RNF216: variants seen among roughly 807,000 people sequenced by gnomAD.
The protein encoded by RNF216 is E3 ubiquitin-protein ligase RNF216.
Under a neutral mutation model 110.8 loss-of-function variants are expected in RNF216, and 72 were observed. The observed-to-expected ratio is 0.65, with a 90% CI of 0.54 to 0.79. RNF216 has a LOEUF of 0.79. Among genes scored for constraint, RNF216 ranks in the 30% least tolerant of loss-of-function variants. The pLI, the probability that RNF216 is intolerant of heterozygous loss-of-function variation, is 0.00. For missense variants in RNF216, 1,342 were observed against 1,141.2 expected, an observed-to-expected ratio of 1.18 and a Z score of -2.54; for synonymous variants, 495 against 407.5, an observed-to-expected ratio of 1.21 and a Z score of -2.59.
chr7:5,644,672 T>C (rs1438466930), intron 14 of RNF216, among the ~76,000 whole-genome samples: 1 of 151,948 alleles, frequency 6.6e-6, no homozygotes, highest in Non-Finnish European at 1.5e-5. Context: ...GCCCAGTTAA[T>C]TTTTAAATTT....
chr7:5,646,822 C>T (rs1011532314), intron 14 of RNF216, among the ~76,000 whole-genome samples: 1 of 152,030 alleles, frequency 6.6e-6, no homozygotes, highest in Non-Finnish European at 1.5e-5. Context: ...ATCCTCCCAT[C>T]CTGATCTTTG....
chr7:5,741,033 A>T lies in RNF216; in HGVS notation c.984T>A (p.Ile328=), dbSNP rs555745151. Residue 328 remains isoleucine, a synonymous_variant, in exon 4 of 17, where the codon ATT becomes ATA. Transcript: ENST00000389902. ...QESQEPNLEN[I]WGQEAAEVDQ... The stretch of plus-strand genomic sequence containing the variant: ...CTACCTCTGCAGCTTCTTGCCCCCA[A>T]ATGTTTTCCAAATTGGGCTCTTGAG... The T allele has an allele frequency of 6.8e-6, 11 of 1,613,840 alleles. No homozygotes were observed. The South Asian group carries it at 1.2e-4, about 18-fold the overall frequency.
At chr7:5,728,616 G>A (rs1793905274) in intron 7 of RNF216, among the ~76,000 whole-genome samples, 1 of 151,990 alleles carries the variant, frequency 6.6e-6, no homozygotes, top group African/African-American at 2.4e-5. Flanking sequence ...AAGGTGGAAG[G>A]GGCTTGGCCT....
chr7:5,627,068 C>A (rs1394297426), intron 15 of RNF216, among the ~76,000 whole-genome samples: 1 of 152,212 alleles, frequency 6.6e-6, no homozygotes, highest in Non-Finnish European at 1.5e-5. Flanking sequence ...GTTACACCAT[C>A]AGTCCCCAAG....
At chr7:5,771,170 C>T (rs1321788846) in intron 1 of RNF216, among the ~76,000 whole-genome samples, 1 of 152,100 alleles carries the variant, frequency 6.6e-6, no homozygotes, top group Non-Finnish European at 1.5e-5. Flanking sequence ...GAAAACATGA[C>T]CTTTCTACTA....
In RNF216 at chr7:5,622,820, C is replaced by G; in HGVS notation, c.*40G>C. On this transcript the variant is annotated 3_prime_UTR_variant, in exon 17 of 17. Transcript: ENST00000389902. Reference sequence around the variant, plus strand: ...AGGGTTCTCCATCCACACTCCTACCCCAAACGGGCTTTGTGCTGCTCAATG... The same window carrying G: ...AGGGTTCTCCATCCACACTCCTACCGCAAACGGGCTTTGTGCTGCTCAATG... 1 of 1,548,362 alleles carries G rather than the reference C, an allele frequency of 6.5e-7. No homozygotes were observed. Among genetic ancestry groups the G allele is most frequent in the Non-Finnish European group, 8.8e-7 (1 of 1,142,262 alleles).
intron 2 of RNF216, among the ~76,000 whole-genome samples, chr7:5,757,640 A>T (rs1195050965): frequency 6.6e-6 from 1 of 152,194 alleles, no homozygotes; most frequent in Non-Finnish European, 1.5e-5. Context: ...TTCCAGTACA[A>T]AGAATATATA....
At chr7:5,717,599 G>C (rs1034249004) in intron 9 of RNF216, among the ~76,000 whole-genome samples, 1 of 152,074 alleles carries the variant, frequency 6.6e-6, no homozygotes, top group African/African-American at 2.4e-5. Context: ...CAAAAACCTG[G>C]AAACAACCCT....
chr7:5,683,868 G>GA (rs1367914123), intron 13 of RNF216, among the ~76,000 whole-genome samples: 6 of 152,076 alleles, frequency 3.9e-5, no homozygotes, highest in African/African-American at 1.4e-4. Flanking sequence ...CATCATTACA[G>GA]AAAAAAGATA....
At chr7:5,710,534 T>A (rs1194013439) in intron 13 of RNF216, among the ~76,000 whole-genome samples, 1 of 152,206 alleles carries the variant, frequency 6.6e-6, no homozygotes, top group Non-Finnish European at 1.5e-5. Context: ...CCCAAGAGGC[T>A]GTGCAGTGCT....
At chr7:5,625,612 C>A (rs980807980) in intron 15 of RNF216, among the ~76,000 whole-genome samples, 4 of 152,224 alleles carry the variant, frequency 2.6e-5, no homozygotes, top group Non-Finnish European at 5.9e-5. Flanking sequence ...TTTCCCCACA[C>A]AATTGTTTGT....
At chr7:5,753,062 G>A (rs749061447) in intron 2 of RNF216, 83 bp from the exon 3 acceptor site, 2 of 1,432,930 alleles carry the variant, frequency 1.4e-6, no homozygotes. Context: ...CAGGGGTACA[G>A]CCTAAAGCCA....
At chr7:5,741,951 A>G in intron 3 of RNF216, 136 bp from the exon 4 acceptor site, 1 of 847,746 alleles carries the variant, frequency 1.2e-6, no homozygotes. Context: ...TATTCTTTAC[A>G]TTTATCTTAA....
intron 1 of RNF216, among the ~76,000 whole-genome samples, chr7:5,771,151 A>G (rs2128680185): frequency 6.6e-6 from 1 of 152,342 alleles, no homozygotes; most frequent in East Asian, 1.9e-4. Flanking sequence ...GTAGCATTGC[A>G]GAGCAGTGGA....
intron 8 of RNF216, among the ~76,000 whole-genome samples, chr7:5,722,244 A>C (rs2128636902): frequency 6.6e-6 from 1 of 151,890 alleles, no homozygotes; most frequent in South Asian, 2.1e-4. Flanking sequence ...TTTCTAGAAA[A>C]CTTTATCTCA....
At chr7:5,720,811 T>C (rs1281089002) in intron 9 of RNF216, among the ~76,000 whole-genome samples, 2 of 152,184 alleles carry the variant, frequency 1.3e-5, no homozygotes, top group African/African-American at 4.8e-5. Flanking sequence ...ATAGATACAC[T>C]AAGCTCCAAT....
At chr7:5,765,866 T>C (rs977473548) in intron 1 of RNF216, among the ~76,000 whole-genome samples, 4 of 149,866 alleles carry the variant, frequency 2.7e-5, no homozygotes, top group Non-Finnish European at 5.9e-5. Context: ...TGAGGCAGAA[T>C]TGCTTGAACC....
intron 2 of RNF216, among the ~76,000 whole-genome samples, chr7:5,756,729 AC>A (rs1479260229): frequency 5.3e-4 from 80 of 152,090 alleles, no homozygotes; most frequent in African/African-American, 1.8e-3. Context: ...GGTTCAAGTG[AC>A]CCTCCCATCT....
intron 13 of RNF216, among the ~76,000 whole-genome samples, chr7:5,676,328 ATTTC>A (rs1403485216): frequency 6.6e-6 from 1 of 152,166 alleles, no homozygotes; most frequent in Non-Finnish European, 1.5e-5. Context: ...TGCCAAAGAA[ATTTC>A]TTTCTCTCCA....
Sources: allele counts gnomAD v4.1 joint callset (sites outside exome capture counted in the v4.1 genomes callset), GRCh38; gene constraint gnomAD v4.1.1; transcripts MANE v1.5; gene names NCBI Gene and HGNC (gene_info 2026-07-23, HGNC 2026-07-21).